Variants in AAK1 observed in about 807,000 individuals in gnomAD.
AAK1 encodes AP2-associated protein kinase 1.
A neutral mutation model predicts 116.0 loss-of-function variants in AAK1; 37 were observed. The ratio of observed to expected loss-of-function variants is 0.32; its 90% CI spans 0.25 to 0.42. The LOEUF (loss-of-function observed/expected upper bound fraction) is 0.42, where lower values mean the gene tolerates loss of function less well. AAK1 is among the 10% of genes least tolerant of loss of function. The pLI is 1.00. For missense variants in AAK1, 919 were observed against 1,170.6 expected, an observed-to-expected ratio of 0.79 and a Z score of 3.14; for synonymous variants, 458 against 439.9, an observed-to-expected ratio of 1.04 and a Z score of -0.51.
intron 17 of AAK1, among the ~76,000 whole-genome samples, chr2:69,492,732 C>T (rs1675577850): frequency 6.6e-6 from 1 of 151,428 alleles, no homozygotes; most frequent in African/African-American, 2.4e-5. Context: ...TCGTATTGGT[C>T]AGGCTGGTTT....
At chr2:69,549,516 G>C (rs917769436) in intron 3 of AAK1, among the ~76,000 whole-genome samples, 1 of 152,154 alleles carries the variant, frequency 6.6e-6, no homozygotes, top group African/African-American at 2.4e-5. Flanking sequence ...TATATGCTTT[G>C]CTCTGCTACA....
intron 2 of AAK1, among the ~76,000 whole-genome samples, chr2:69,567,185 T>A (rs1395919211): frequency 6.6e-6 from 1 of 152,246 alleles, no homozygotes; most frequent in Non-Finnish European, 1.5e-5. Context: ...CACATGCTTC[T>A]CCCTTTGGCC....
chr2:69,480,236 T>C (rs1338322426), intron 19 of AAK1, among the ~76,000 whole-genome samples: 2 of 142,608 alleles, frequency 1.4e-5, no homozygotes, highest in Admixed American at 7.0e-5. Flanking sequence ...GAAAACCAGA[T>C]ACTTTTATCA....
In AAK1 at chr2:69,473,830, A is replaced by G. The variant is rs1258556417; in HGVS notation, c.*2039T>C. 5 of 985,726 alleles carry G rather than the reference A, an allele frequency of 5.1e-6. No individual in the cohort carries two copies. Among genetic ancestry groups the G allele is most frequent in the Non-Finnish European group, 3.6e-6 (3 of 829,918 alleles). The allele number at this position is 985,726 out of a possible 1,614,324, so 61.1% of individuals were successfully genotyped here. A position where few individuals can be genotyped will look rare whatever the true frequency, so the allele number is the denominator to read the frequency against. On this transcript the variant is annotated 3_prime_UTR_variant, in exon 22 of 22. Coordinates refer to ENST00000409085, the MANE Select transcript of AAK1 (RefSeq NM_014911.5). ...TAATTTATACATTCTTTCTATGTCC[A>G]GGAAAGAGAATACAATTCTGACCTG...
intron 2 of AAK1, among the ~76,000 whole-genome samples, chr2:69,567,888 C>T (rs1180184899): frequency 6.6e-6 from 1 of 152,168 alleles, no homozygotes; most frequent in African/African-American, 2.4e-5. Context: ...GAAATCAAAA[C>T]GCTCTTCAGT....
intron 17 of AAK1, among the ~76,000 whole-genome samples, chr2:69,490,512 C>T (rs896163315): frequency 1.3e-5 from 2 of 152,134 alleles, no homozygotes; most frequent in African/African-American, 2.4e-5. Flanking sequence ...TATCCTACAA[C>T]ATGAATGAAC....
At chr2:69,504,094 T>G (rs371270040) in intron 16 of AAK1, among the ~76,000 whole-genome samples, 3 of 151,802 alleles carry the variant, frequency 2.0e-5, no homozygotes, top group Non-Finnish European at 4.4e-5. Flanking sequence ...CTTCAAAATA[T>G]GACTATAAAG....
At chr2:69,593,289 G>C (rs1234724472) in intron 2 of AAK1, among the ~76,000 whole-genome samples, 1 of 151,916 alleles carries the variant, frequency 6.6e-6, no homozygotes, top group East Asian at 1.9e-4. Flanking sequence ...ACTAGATTAT[G>C]GTATATCCAT....
chr2:69,513,137 G>C (rs919285489), intron 13 of AAK1, among the ~76,000 whole-genome samples: 2 of 152,126 alleles, frequency 1.3e-5, no homozygotes, highest in Non-Finnish European at 2.9e-5. Context: ...GAGACTCACT[G>C]TCTACTCCAT....
rs765177665 is a variant in AAK1 at position 69,514,771 on chromosome 2, GA to G, written c.1498-23del. On this transcript the variant is annotated intron_variant, in intron 12 of 21. Transcript: ENST00000409085. The stretch of plus-strand genomic sequence containing the variant: ...GAAACTGAGCAAGAAATGAGGAGAT[GA>G]ATAAGGGCCTGTCCCAGAATAATAG... 5 of 1,551,382 alleles carry G rather than the reference GA, an allele frequency of 3.2e-6. No homozygotes were observed. In the African/African-American group the frequency reaches 5.5e-5, roughly 17 times the overall value.
intron 2 of AAK1, among the ~76,000 whole-genome samples, chr2:69,630,341 G>GA (rs1675115173): frequency 1.7e-5 from 1 of 60,174 alleles, no homozygotes; most frequent in African/African-American, 5.0e-5. Flanking sequence ...GGCGGGGGGT[G>GA]GGGGGGGAGG....
rs1402263624 is a variant in AAK1, at chr2:69,622,146, G to C, written c.163+20732C>G. On this transcript the variant is annotated intron_variant, in intron 2 of 21. Transcript: ENST00000409085. ...CTGTGGGCCAGCGCCAGTTCCAGGT[G>C]GGCGTGGGCTTGGTGGGCCCCGCAC... 3.3e-5 allele frequency among the ~76,000 whole-genome samples: 5 copies of C among 152,248 alleles called. No homozygotes were observed. In the East Asian group the frequency reaches 9.6e-4, roughly 29 times the overall value.
At chr2:69,640,610 C>T (rs952481451) in intron 2 of AAK1, among the ~76,000 whole-genome samples, 2 of 152,216 alleles carry the variant, frequency 1.3e-5, no homozygotes, top group Admixed American at 6.5e-5. Flanking sequence ...GTAGGTGCTA[C>T]ATAAATACTT....
chr2:69,587,107 C>A (rs1672800815), intron 2 of AAK1, among the ~76,000 whole-genome samples: 1 of 150,412 alleles, frequency 6.6e-6, no homozygotes, highest in Non-Finnish European at 1.5e-5. Context: ...TTTTTAAAGA[C>A]AGGGTCTTGT....
chr2:69,597,657 C>T (rs1394040254), intron 2 of AAK1: 1 of 152,180 alleles, frequency 6.6e-6, no homozygotes, highest in Non-Finnish European at 1.5e-5. Flanking sequence ...ATCACTTGAG[C>T]TCAGGAGTTC....
intron 2 of AAK1, among the ~76,000 whole-genome samples, chr2:69,609,015 CTTG>C (rs1410486435): frequency 2.0e-5 from 3 of 152,332 alleles, no homozygotes; most frequent in East Asian, 1.9e-4. Context: ...GATTGGAAGA[CTTG>C]TTGTTAGGAT....
intron 2 of AAK1, among the ~76,000 whole-genome samples, chr2:69,629,571 T>C (rs555729900): frequency 1.3e-5 from 2 of 152,352 alleles, no homozygotes; most frequent in South Asian, 4.1e-4. Context: ...ATAGTTCTTA[T>C]TGTAATAAGC....
intron 5 of AAK1, among the ~76,000 whole-genome samples, chr2:69,537,821 A>G (rs1390588080): frequency 6.6e-6 from 1 of 152,234 alleles, no homozygotes; most frequent in Admixed American, 6.5e-5. Flanking sequence ...TCTAGATGGC[A>G]TCGAGTGTAA....
chr2:69,590,505 G>A (rs1477289517), intron 2 of AAK1, among the ~76,000 whole-genome samples: 1 of 152,216 alleles, frequency 6.6e-6, no homozygotes, highest in Non-Finnish European at 1.5e-5. Context: ...AGCCAGGGCA[G>A]GAGTGATTCA....
Sources: gnomAD v4.1 joint callset for allele counts (sites outside exome capture counted in the v4.1 genomes callset) on GRCh38, gnomAD v4.1.1 for gene constraint, MANE v1.5 for transcripts, NCBI Gene and HGNC (gene_info 2026-07-23, HGNC 2026-07-21) for gene names.